ZNF536: variants seen among roughly 807,000 people sequenced by gnomAD.
ZNF536 encodes zinc finger protein 536.
Under a neutral mutation model 84.5 loss-of-function variants are expected in ZNF536, and 13 were observed. The observed-to-expected ratio is 0.15, with a 90% CI of 0.10 to 0.24. The LOEUF is 0.24. ZNF536 is among the 10% of genes least tolerant of loss of function. The pLI is 1.00. For synonymous variants in ZNF536, 811 were observed against 742.5 expected (o/e 1.09, Z -1.50); for missense variants, 1,536 against 1,747.5 (o/e 0.88, Z 2.16).
intron 1 of ZNF536, among the ~76,000 whole-genome samples, chr19:30,391,067 G>A (rs570150542): frequency 6.6e-6 from 1 of 152,230 alleles, no homozygotes; most frequent in Non-Finnish European, 1.5e-5. Context: ...TGTGATCAGA[G>A]CCAGAGGCAG....
chr19:30,654,366 G>A (rs957492861), intron 1 of ZNF536, among the ~76,000 whole-genome samples: 1 of 151,994 alleles, frequency 6.6e-6, no homozygotes, highest in Non-Finnish European at 1.5e-5. Context: ...CTTCCCACTT[G>A]GCCCTCTTCA....
intron 1 of ZNF536, among the ~76,000 whole-genome samples, chr19:30,279,974 A>G (rs1358870029): frequency 2.0e-5 from 3 of 151,772 alleles, no homozygotes; most frequent in African/African-American, 7.3e-5. Flanking sequence ...CTGCTGCCAG[A>G]CCTCCCAGTG....
downstream of ZNF536, among the ~76,000 whole-genome samples, chr19:30,562,877 G>A (rs138591060): frequency 1.7e-3 from 252 of 152,222 alleles, no homozygotes; most frequent in African/African-American, 5.8e-3. Context: ...CTCTGAGCTT[G>A]CAAGCCCGGG....
intron 2 of ZNF536, among the ~76,000 whole-genome samples, chr19:30,324,763 T>G (rs950812805): frequency 1.3e-5 from 2 of 152,198 alleles, no homozygotes; most frequent in Non-Finnish European, 2.9e-5. Flanking sequence ...ATTTTTAATT[T>G]ACTTCACTAT....
chr19:30,423,225 C>T (rs181667102), intron 1 of ZNF536, among the ~76,000 whole-genome samples: 1 of 151,390 alleles, frequency 6.6e-6, no homozygotes, highest in Non-Finnish European at 1.5e-5. Context: ...TCCTTTCTCC[C>T]TTCCTCCACC....
At chr19:30,473,020 G>T (rs972790011) in intron 2 of ZNF536, among the ~76,000 whole-genome samples, 4 of 139,576 alleles carry the variant, frequency 2.9e-5, no homozygotes, top group African/African-American at 1.1e-4. Context: ...GGTGTAAACC[G>T]ATCTCTACTA....
intron 1 of ZNF536, among the ~76,000 whole-genome samples, chr19:30,586,765 T>C (rs947969278): frequency 1.3e-5 from 2 of 152,236 alleles, no homozygotes; most frequent in Admixed American, 6.5e-5. Context: ...GTATTTAATA[T>C]GCAGTCTTGT....
chr19:30,315,468 C>A (rs1819998653), intron 2 of ZNF536, among the ~76,000 whole-genome samples: 1 of 152,098 alleles, frequency 6.6e-6, no homozygotes, highest in Non-Finnish European at 1.5e-5. Context: ...CCCCTCTGGG[C>A]CCTCTGTAGC....
chr19:30,462,229 A>T (rs1244332253), intron 2 of ZNF536, among the ~76,000 whole-genome samples: 2 of 152,220 alleles, frequency 1.3e-5, no homozygotes, highest in East Asian at 3.9e-4. Context: ...CCCAGGACTC[A>T]GTAGAGGGGC....
At chr19:30,416,345 C>T (rs2050734128) in intron 1 of ZNF536, among the ~76,000 whole-genome samples, 1 of 140,664 alleles carries the variant, frequency 7.1e-6, no homozygotes, top group Admixed American at 7.1e-5. Context: ...GTGTTTTTAG[C>T]TTCCTTCACA....
chr19:30,257,581 A>T (rs918865504), intron 1 of ZNF536, among the ~76,000 whole-genome samples: 1 of 152,250 alleles, frequency 6.6e-6, no homozygotes, highest in African/African-American at 2.4e-5. Context: ...GAACTCCAGG[A>T]TCCTGAGCTC....
chr19:30,311,679 C>T (rs1426993653), intron 2 of ZNF536, among the ~76,000 whole-genome samples: 1 of 152,130 alleles, frequency 6.6e-6, no homozygotes, highest in African/African-American at 2.4e-5. Context: ...ACCTGCCCAA[C>T]TTAGTTAGCC....
At chr19:30,549,778 C>T (rs1452840887) in intron 4 of ZNF536, among the ~76,000 whole-genome samples, 1 of 152,132 alleles carries the variant, frequency 6.6e-6, no homozygotes, top group African/African-American at 2.4e-5. Context: ...GGTGGTCGCT[C>T]ACCATGTGAA....
chr19:30,467,812 T>G (rs1206417361), intron 2 of ZNF536, among the ~76,000 whole-genome samples: 1 of 152,252 alleles, frequency 6.6e-6, no homozygotes, highest in Non-Finnish European at 1.5e-5. Context: ...CTTAAGCCAC[T>G]GGGTAGCTAC....
At chr19:30,242,724 A>G (rs942993259) in intron 1 of ZNF536, among the ~76,000 whole-genome samples, 13 of 152,246 alleles carry the variant, frequency 8.5e-5, no homozygotes, top group Non-Finnish European at 1.5e-5. Flanking sequence ...CCTTGTTGGT[A>G]TCGCCTGTAG....
intron 1 of ZNF536, among the ~76,000 whole-genome samples, chr19:30,245,064 C>A (rs893177459): frequency 6.6e-6 from 1 of 152,172 alleles, no homozygotes; most frequent in Admixed American, 6.5e-5. Flanking sequence ...ATCCACCAGG[C>A]TTCAGCCTCA....
At chr19:30,292,558 C>T (rs559771633) in intron 2 of ZNF536, among the ~76,000 whole-genome samples, 22 of 152,176 alleles carry the variant, frequency 1.4e-4, no homozygotes, top group Middle Eastern at 3.4e-3. Flanking sequence ...TGACCTCAAG[C>T]GATCCTCTCA....
chr19:30,434,517 A>G (rs906012328), intron 1 of ZNF536, among the ~76,000 whole-genome samples: 4 of 152,244 alleles, frequency 2.6e-5, no homozygotes, highest in African/African-American at 9.6e-5. Context: ...CAGCCTGGCC[A>G]CTGGCATGTC....
intron 1 of ZNF536, among the ~76,000 whole-genome samples, chr19:30,573,147 G>A (rs142836871): frequency 0.02 from 2,983 of 152,318 alleles, 35 homozygotes; most frequent in Middle Eastern, 0.031. Flanking sequence ...CCCTGTGTAA[G>A]TGAACAGGAT....
Sources: gnomAD v4.1 joint callset for allele counts (sites outside exome capture counted in the v4.1 genomes callset) on GRCh38, gnomAD v4.1.1 for gene constraint, MANE v1.5 for transcripts, NCBI Gene and HGNC (gene_info 2026-07-23, HGNC 2026-07-21) for gene names.